The following WDR72 variants were observed in gnomAD, a reference collection of about 807,000 sequenced individuals.
WDR72 encodes WD repeat-containing protein 72.
In WDR72, 120 loss-of-function variants were observed where a neutral mutation model predicts 124.2. That is an observed-to-expected ratio of 0.97 (90% CI 0.83 to 1.12). The LOEUF (loss-of-function observed/expected upper bound fraction) is 1.12. Ranked by LOEUF, WDR72 falls within the 50% of genes most tolerant of loss-of-function variation. The pLI, the probability that WDR72 is intolerant of heterozygous loss-of-function variation, is 0.00. For synonymous variants in WDR72, 452 were observed against 441.7 expected (o/e 1.02, Z -0.29); for missense variants, 1,387 against 1,278.8 (o/e 1.08, Z -1.29).
intron 18 of WDR72, among the ~76,000 whole-genome samples, chr15:53,565,943 G>A (rs1894281662): frequency 6.6e-6 from 1 of 151,930 alleles, no homozygotes; most frequent in African/African-American, 2.4e-5. Context: ...GAACACTAGA[G>A]CATAAATCAA....
At chr15:53,538,927 T>C (rs1009400804) in intron 18 of WDR72, among the ~76,000 whole-genome samples, 4 of 152,088 alleles carry the variant, frequency 2.6e-5, no homozygotes, top group Non-Finnish European at 4.4e-5. Flanking sequence ...ACATACTCCA[T>C]GAAACTCATT....
chr15:53,632,208 C>T (rs1260719309), intron 14 of WDR72, among the ~76,000 whole-genome samples: 1 of 152,072 alleles, frequency 6.6e-6, no homozygotes, highest in Non-Finnish European at 1.5e-5. Flanking sequence ...CCTCAGGACA[C>T]TGCTCCTTGC....
intron 13 of WDR72, among the ~76,000 whole-genome samples, chr15:53,677,881 C>T (rs897650875): frequency 6.6e-6 from 1 of 152,030 alleles, no homozygotes; most frequent in Non-Finnish European, 1.5e-5. Context: ...TTTTTAAGTG[C>T]CATTTAATTC....
chr15:53,618,741 G>C (rs2013867884), intron 14 of WDR72, among the ~76,000 whole-genome samples: 3 of 151,872 alleles, frequency 2.0e-5, no homozygotes, highest in Non-Finnish European at 4.4e-5. Flanking sequence ...ATTCTTCTAG[G>C]TGTGGATGTT....
At position 53,551,666 on chromosome 15, in the gene WDR72, A is replaced by C. The variant is rs566467026; in HGVS notation, c.3149-28344T>G. Among the ~76,000 whole-genome samples the C allele has an allele frequency of 2.1e-4, 32 of 152,314 alleles. 1 individual carries two copies. The South Asian group carries it at 6.6e-3, about 32-fold the overall frequency. On this transcript the variant is annotated intron_variant, in intron 18 of 19. Coordinates refer to ENST00000360509, the MANE Select transcript of WDR72 (RefSeq NM_182758.4). The stretch of plus-strand genomic sequence containing the variant: ...GTCAGTCCTATGTATAAATCACAGA[A>C]TCACTATAAAAAACAATTACCTTAA...
intron 15 of WDR72, among the ~76,000 whole-genome samples, chr15:53,614,065 T>G (rs994361903): frequency 6.6e-6 from 1 of 152,062 alleles, no homozygotes; most frequent in Non-Finnish European, 1.5e-5. Context: ...CTATTTTAGG[T>G]TACATGATTA....
intron 14 of WDR72, among the ~76,000 whole-genome samples, chr15:53,630,017 A>C (rs914707940): frequency 1.3e-5 from 2 of 152,210 alleles, no homozygotes; most frequent in African/African-American, 4.8e-5. Flanking sequence ...AAATCAAAGT[A>C]ATGAAAGAGG....
intron 14 of WDR72, among the ~76,000 whole-genome samples, chr15:53,624,920 G>C (rs960122847): frequency 6.6e-6 from 1 of 152,094 alleles, no homozygotes; most frequent in Non-Finnish European, 1.5e-5. Flanking sequence ...TATATTTTCT[G>C]AGTTTTCACA....
intron 18 of WDR72, among the ~76,000 whole-genome samples, chr15:53,540,383 A>G (rs1893019950): frequency 2.0e-5 from 3 of 152,180 alleles, no homozygotes; most frequent in African/African-American, 7.2e-5. Flanking sequence ...CATTCCAGGA[A>G]TGGAACTAGC....
chr15:53,762,557 T>C (rs1004286802), upstream of WDR72: 2 of 152,292 alleles, frequency 1.3e-5, no homozygotes, highest in East Asian at 3.8e-4. Context: ...CTTTAATGAA[T>C]TTCCCTCACC....
chr15:53,517,940 A>T (rs947598431), intron 19 of WDR72, among the ~76,000 whole-genome samples, 186 bp from the exon 20 acceptor site: 8 of 152,082 alleles, frequency 5.3e-5, no homozygotes, highest in Admixed American at 1.3e-4. Flanking sequence ...TGTCTTTTCC[A>T]TCCTAAAATA....
intron 18 of WDR72, among the ~76,000 whole-genome samples, chr15:53,563,919 T>C (rs1214474640): frequency 1.3e-5 from 2 of 151,862 alleles, no homozygotes. Context: ...AAAGCCGCTA[T>C]GCTGTTCACA....
chr15:53,581,094 T>C (rs941596427), intron 18 of WDR72, among the ~76,000 whole-genome samples: 4 of 152,092 alleles, frequency 2.6e-5, no homozygotes, highest in Non-Finnish European at 4.4e-5. Flanking sequence ...ACAGTTTTTG[T>C]GCAGATTCAA....
chr15:53,589,604 G>T (rs1293903405), intron 18 of WDR72, among the ~76,000 whole-genome samples: 1 of 149,816 alleles, frequency 6.7e-6, no homozygotes, highest in Admixed American at 6.7e-5. Context: ...TTCAGTGACA[G>T]AATCTAGATC....
At chr15:53,743,521 C>A (rs1243738589) in intron 1 of WDR72, among the ~76,000 whole-genome samples, 1 of 152,030 alleles carries the variant, frequency 6.6e-6, no homozygotes, top group Non-Finnish European at 1.5e-5. Context: ...AGAGATGTTT[C>A]AAATCGTTAC....
intron 18 of WDR72, among the ~76,000 whole-genome samples, chr15:53,564,126 T>C (rs751483950): frequency 1.1e-4 from 16 of 151,844 alleles, no homozygotes; most frequent in Non-Finnish European, 1.8e-4. Flanking sequence ...AAAGCCCAGC[T>C]GTTTTAACAG....
At chr15:53,713,582 C>G (rs1215851102) in intron 6 of WDR72, among the ~76,000 whole-genome samples, 2 of 151,780 alleles carry the variant, frequency 1.3e-5, no homozygotes, top group African/African-American at 4.8e-5. Context: ...TCCTGAGTAG[C>G]TAGGATTACA....
intron 17 of WDR72, among the ~76,000 whole-genome samples, chr15:53,608,436 T>C (rs1214319610): frequency 6.6e-6 from 1 of 151,778 alleles, no homozygotes; most frequent in African/African-American, 2.4e-5. Context: ...TAATATTGCA[T>C]GTTTTCACTT....
rs547243682 is a variant in WDR72 at position 53,621,560 on chromosome 15, T to C, written c.1963-5317A>G. ...CAGGAATGGAAAATCAAGCATCATA[T>C]GTTTTCACTTATAAATGAGAGCTAA... On this transcript the variant is annotated intron_variant, in intron 14 of 19. Coordinates refer to ENST00000360509, the MANE Select transcript of WDR72 (RefSeq NM_182758.4). Among the ~76,000 whole-genome samples the C allele has an allele frequency of 8.6e-5, 13 of 151,698 alleles. No homozygotes were observed. The South Asian group carries it at 2.7e-3, about 32-fold the overall frequency.
Sources: allele counts gnomAD v4.1 joint callset (sites outside exome capture counted in the v4.1 genomes callset), GRCh38; gene constraint gnomAD v4.1.1; transcripts MANE v1.5; gene names NCBI Gene and HGNC (gene_info 2026-07-23, HGNC 2026-07-21).